The following GSN variants were observed in gnomAD, a reference collection of about 807,000 sequenced individuals.
GSN encodes actin-depolymerizing factor.
Under a neutral mutation model 85.7 loss-of-function variants are expected in GSN, and 56 were observed. The ratio of observed to expected loss-of-function variants is 0.65; its 90% CI spans 0.53 to 0.82. The LOEUF is 0.82. GSN is among the 40% of genes least tolerant of loss of function. The probability of loss-of-function intolerance (pLI) is 0.00; values close to 1 mark genes in which losing one functional copy is unlikely to be tolerated. For synonymous variants in GSN, 373 were observed against 399.1 expected (o/e 0.93, Z 0.78); for missense variants, 857 against 979.8 (o/e 0.87, Z 1.67).
At chr9:121,221,092 CCT>C (rs2054160997) in intron 4 of GSN, among the ~76,000 whole-genome samples, 1 of 152,180 alleles carries the variant, frequency 6.6e-6, no homozygotes, top group South Asian at 2.1e-4. Flanking sequence ...CGAGGGGCCG[CCT>C]CTCTCACTCA....
intron 5 of GSN, among the ~76,000 whole-genome samples, chr9:121,246,634 A>G (rs1293487297): frequency 1.3e-5 from 2 of 152,152 alleles, no homozygotes; most frequent in African/African-American, 2.4e-5. Context: ...TCACAATATC[A>G]GGTCCCTCCA....
At chr9:121,311,128 C>T (rs534914943) in intron 5 of GSN, 166 of 467,832 alleles carry the variant, frequency 3.5e-4, no homozygotes, top group Non-Finnish European at 5.8e-4. Context: ...AAATATATAA[C>T]AGTCATGGGC....
intron 6 of GSN, chr9:121,313,444 T>G (rs1589079306): frequency 1.4e-5 from 3 of 213,348 alleles, no homozygotes; most frequent in South Asian, 7.6e-5. Context: ...ACAGTGGGAG[T>G]GAAAATAGGC....
At chr9:121,328,372 T>C (rs1589237121) in intron 14 of GSN, among the ~76,000 whole-genome samples, 2 of 152,214 alleles carry the variant, frequency 1.3e-5, no homozygotes, top group Non-Finnish European at 2.9e-5. Context: ...CATGTGGCTG[T>C]TGAGCACTTG....
At chr9:121,215,679 G>A (rs1262094693) in intron 4 of GSN, among the ~76,000 whole-genome samples, 1 of 150,622 alleles carries the variant, frequency 6.6e-6, no homozygotes, top group African/African-American at 2.4e-5. Context: ...GAGTGACAGA[G>A]TAAGACTCTG....
chr9:121,293,779 T>C (rs1278395967), intron 2 of GSN, among the ~76,000 whole-genome samples: 1 of 152,044 alleles, frequency 6.6e-6, no homozygotes, highest in African/African-American at 2.4e-5. Context: ...TAGAAACTTA[T>C]CCAAGTCTCT....
At chr9:121,326,931 A>T in intron 13 of GSN, 2 of 688,570 alleles carry the variant, frequency 2.9e-6, no homozygotes, top group South Asian at 3.1e-5. Flanking sequence ...CTGTACAATC[A>T]GCATGCCATT....
chr9:121,208,845 CA>C (rs2132064178), intron 1 of GSN, among the ~76,000 whole-genome samples: 1 of 152,312 alleles, frequency 6.6e-6, no homozygotes, highest in South Asian at 2.1e-4. Context: ...AAAAGGGGGG[CA>C]GGTGTTAGAG....
chr9:121,323,492 C>T (rs1449488161), intron 11 of GSN, among the ~76,000 whole-genome samples: 5 of 151,246 alleles, frequency 3.3e-5, no homozygotes, highest in Non-Finnish European at 7.4e-5. Context: ...GCCTCAGCCT[C>T]CTGAGTATCT....
intron 6 of GSN, among the ~76,000 whole-genome samples, chr9:121,252,862 A>G (rs2054869257): frequency 6.6e-6 from 1 of 152,254 alleles, no homozygotes; most frequent in Non-Finnish European, 1.5e-5. Flanking sequence ...TAAGAAATTC[A>G]GAATTTACCC....
intron 4 of GSN, among the ~76,000 whole-genome samples, chr9:121,216,163 G>A (rs1173873354): frequency 6.6e-6 from 1 of 152,072 alleles, no homozygotes; most frequent in Non-Finnish European, 1.5e-5. Context: ...GGCCAGACTG[G>A]TCTCAAACTC....
chr9:121,297,224 T>G (rs1296998186), intron 2 of GSN, among the ~76,000 whole-genome samples: 1 of 152,252 alleles, frequency 6.6e-6, no homozygotes, highest in Non-Finnish European at 1.5e-5. Flanking sequence ...ATATTGGATA[T>G]ACACTTGTAA....
At chr9:121,311,411 A>T (rs888521423) in intron 5 of GSN, 4 of 172,314 alleles carry the variant, frequency 2.3e-5, no homozygotes, top group African/African-American at 9.5e-5. Flanking sequence ...ATATGCTTAT[A>T]CACCTGTGAT....
At chr9:121,235,352 G>T (rs1183102537) in intron 5 of GSN, among the ~76,000 whole-genome samples, 1 of 152,106 alleles carries the variant, frequency 6.6e-6, no homozygotes, top group South Asian at 2.1e-4. Context: ...TCCCTTTTAG[G>T]TGGCTGAGAA....
intron 11 of GSN, among the ~76,000 whole-genome samples, chr9:121,322,275 C>G (rs1167036469): frequency 6.6e-6 from 1 of 152,150 alleles, no homozygotes; most frequent in Non-Finnish European, 1.5e-5. Flanking sequence ...CTTCCTTACA[C>G]AAAAGGTAGC....
chr9:121,260,059 G>C (rs2055049185), intron 6 of GSN, among the ~76,000 whole-genome samples: 2 of 152,250 alleles, frequency 1.3e-5, no homozygotes. Context: ...ATGGCTGTGT[G>C]AGAAGCTGAG....
At chr9:121,209,418 G>A (rs1364161665) in intron 2 of GSN, 2 of 151,184 alleles carry the variant, frequency 1.3e-5, no homozygotes, top group African/African-American at 4.9e-5. Context: ...AGTGGGGCTT[G>A]GAATTAGCAG....
intron 2 of GSN, chr9:121,286,763 T>G (rs964696830): frequency 1.3e-6 from 2 of 1,534,588 alleles, no homozygotes; most frequent in African/African-American, 2.7e-5. Context: ...CTGTGTACAG[T>G]AGGTATTTTT....
intron 4 of GSN, among the ~76,000 whole-genome samples, chr9:121,230,476 A>G (rs2054366060): frequency 6.6e-6 from 1 of 152,186 alleles, no homozygotes; most frequent in Non-Finnish European, 1.5e-5. Flanking sequence ...AACTTACACA[A>G]TTAGTAACAC....
Sources: allele counts gnomAD v4.1 joint callset (sites outside exome capture counted in the v4.1 genomes callset), GRCh38; gene constraint gnomAD v4.1.1; transcripts MANE v1.5; gene names NCBI Gene and HGNC (gene_info 2026-07-23, HGNC 2026-07-21).